KCP: variants seen among roughly 807,000 people sequenced by gnomAD.
The protein encoded by KCP is kielin/chordin-like protein.
Under a neutral mutation model 212.7 loss-of-function variants are expected in KCP, and 194 were observed. The ratio of observed to expected loss-of-function variants is 0.91; its 90% CI spans 0.81 to 1.03. KCP has a LOEUF of 1.03. KCP is among the 50% of genes least tolerant of loss of function. The probability of loss-of-function intolerance (pLI) is 0.00; values close to 1 mark genes in which losing one functional copy is unlikely to be tolerated. For missense variants in KCP, 2,080 were observed against 2,162.5 expected, an observed-to-expected ratio of 0.96 and a Z score of 0.76; for synonymous variants, 833 against 865.3, an observed-to-expected ratio of 0.96 and a Z score of 0.65.
rs1312409401 is a variant in KCP at position 128,891,062 on chromosome 7, G to T, written c.2007C>A (p.Gly669=). ...APAPAGCPRP[G]AAHARHQEYF... is the part of the protein sequence containing the mutation. ...ACTCCTGGTGGCGGGCGTGGGCCGC[G>T]CCGGGCCGTGGGCAGCCGGCGGGGG... The change falls in exon 20 of 40, where the codon GGC becomes GGA. Residue 669 remains glycine, a synonymous_variant. Transcript: ENST00000610776. 7.1e-7 allele frequency: 1 copy of T among 1,404,972 alleles called. No homozygotes were observed. The allele number at this position is 1,404,972 out of a possible 1,614,324, so 87.0% of individuals were successfully genotyped here.
intron 1 of KCP, 103 bp downstream of exon 1, chr7:128,910,498 C>G (rs980348235): frequency 4.4e-6 from 5 of 1,123,894 alleles, no homozygotes; most frequent in Non-Finnish European, 6.1e-6. Flanking sequence ...TCAGGCAGGG[C>G]TAAGAGCAGA....
chr7:128,899,933 A>C (rs1023755824), intron 8 of KCP, among the ~76,000 whole-genome samples: 2 of 134,064 alleles, frequency 1.5e-5, no homozygotes, highest in Non-Finnish European at 3.0e-5. Context: ...CCTTGCCTAC[A>C]CAGTCTCTGT....
Position 128,880,020 on chromosome 7 carries a change from G to A in KCP, c.3825C>T (p.Cys1275=). ...CPRCLPRPAS[C]MAFGDPHYRT... is the part of the protein sequence containing the mutation. ...GGTAATGGGGGTCTCCGAAGGCCATGCAGGAAGCGGGCCGAGGCAGGCAGC... is the reference window on the plus strand; with the variant it reads ...GGTAATGGGGGTCTCCGAAGGCCATACAGGAAGCGGGCCGAGGCAGGCAGC... Residue 1275 remains cysteine (C), a synonymous_variant, in exon 35 of 40, where the codon TGC becomes TGT. Transcript: ENST00000610776. 1 of 1,549,806 alleles carries A rather than the reference G, an allele frequency of 6.5e-7. No individual in the cohort carries two copies. Among genetic ancestry groups the A allele is most frequent in the South Asian group, 1.2e-5 (1 of 84,044 alleles).
chr7:128,880,556 G>T, intron 33 of KCP, 28 bp from the exon 34 acceptor site: 1 of 1,391,864 alleles, frequency 7.2e-7, no homozygotes, highest in Non-Finnish European at 9.4e-7. Flanking sequence ...GGGAGGGTCA[G>T]CTGCTCCTCC....
At chr7:128,884,589 G>A (rs1182187031) in intron 28 of KCP, among the ~76,000 whole-genome samples, 192 bp downstream of exon 28, 1 of 152,178 alleles carries the variant, frequency 6.6e-6, no homozygotes, top group African/African-American at 2.4e-5. Flanking sequence ...TGGAACCTGC[G>A]CTCCTTGTCT....
intron 21 of KCP, among the ~76,000 whole-genome samples, chr7:128,889,656 C>G (rs1223263397): frequency 6.6e-6 from 1 of 152,194 alleles, no homozygotes; most frequent in Admixed American, 6.5e-5. Flanking sequence ...TTTCCACTTA[C>G]AGTGTGATAT....
At chr7:128,890,267 C>T (rs1000403868) in intron 21 of KCP, 76 bp downstream of exon 21, 2 of 1,551,142 alleles carry the variant, frequency 1.3e-6, no homozygotes, top group Non-Finnish European at 1.7e-6. Context: ...CACCCTAGGG[C>T]AGTAAAGATT....
intron 21 of KCP, 182 bp downstream of exon 21, chr7:128,890,142 ACTCCTGGGCTCAAGTGATC>A: frequency 1.1e-6 from 1 of 906,940 alleles, no homozygotes; most frequent in East Asian, 2.7e-5. Flanking sequence ...CTGGTCTTGA[ACTCCTGGGCTCAAGTGATC>A]CTCCTGCCTC....
chr7:128,883,868 G>C, intron 29 of KCP, 134 bp downstream of exon 29: 1 of 1,150,374 alleles, frequency 8.7e-7, no homozygotes, highest in Non-Finnish European at 1.2e-6. Flanking sequence ...TGCAGCCCTC[G>C]CCGGCCAGGC....
chr7:128,880,141 C>A (rs868218678), intron 34 of KCP, 56 bp from the exon 35 acceptor site: 5 of 1,455,524 alleles, frequency 3.4e-6, no homozygotes, highest in Middle Eastern at 2.0e-4. Flanking sequence ...ATGCCTCTCG[C>A]AGACCCTCCC....
Position 128,885,139 on chromosome 7 carries a change from G to C in KCP, c.2998C>G (p.Gln1000Glu). 6.4e-7 allele frequency: 1 copy of C among 1,550,850 alleles called. No individual in the cohort carries two copies. Among genetic ancestry groups the C allele is most frequent in the East Asian group, 2.4e-5 (1 of 40,924 alleles). ...CAGTCATGGGGCCCTTGGCGGGGCT[G>C]GGCGCAAGAGCTGATGCACTGGATG... The part of the protein sequence containing the change: ...ARIQCISSCA[Q>E]PRQGPHDCCP... Residue 1000 changes from glutamine (Q) to glutamate (E), a missense_variant, in exon 27 of 40, where the codon CAG (glutamine) becomes GAG (glutamate). By Grantham distance (29) the Gln-to-Glu change is conservative. Transcript: ENST00000610776.
chr7:128,883,724 C>A (rs998618767), intron 29 of KCP, among the ~76,000 whole-genome samples: 6 of 152,364 alleles, frequency 3.9e-5, no homozygotes, highest in African/African-American at 1.4e-4. Flanking sequence ...CTACCCCCTG[C>A]CTGCCTGGGC....
intron 20 of KCP, 106 bp downstream of exon 20, chr7:128,890,799 G>T: frequency 2.0e-6 from 2 of 1,017,086 alleles, no homozygotes; most frequent in Non-Finnish European, 2.7e-6. Flanking sequence ...CAAGATCCCC[G>T]ACGTGGGCGG....
chr7:128,907,078 C>A (rs1376429508), intron 4 of KCP, 23 bp downstream of exon 4: 6 of 1,547,540 alleles, frequency 3.9e-6, no homozygotes, highest in Non-Finnish European at 5.2e-6. Flanking sequence ...TGAGGGATAT[C>A]CAGGTAGGTC....
At chr7:128,884,191 T>G (rs1793505136) in intron 28 of KCP, 69 bp from the exon 29 acceptor site, 1 of 1,486,350 alleles carries the variant, frequency 6.7e-7, no homozygotes, top group South Asian at 1.3e-5. Context: ...GGCCGGGACT[T>G]CCGGCCCCTC....
At position 128,906,296 on chromosome 7, in the gene KCP, C is replaced by A. The variant is rs2128950569; in HGVS notation, c.554G>T (p.Cys185Phe). ...AGGCTGACCTGGCTTACAGTGCGGGCAGCATGCTCCTGGCTCAGGGCAGGG... is the reference window on the plus strand; with the variant it reads ...AGGCTGACCTGGCTTACAGTGCGGGAAGCATGCTCCTGGCTCAGGGCAGGG... ...RGPCPEPGAC[C>F]PHCKPGCDYE... Residue 185 changes from cysteine (C) to phenylalanine (F), a missense_variant, in exon 5 of 40, where the codon TGC becomes TTC. By Grantham distance (205) the Cys-to-Phe change is radical. Coordinates refer to ENST00000610776, the MANE Select transcript of KCP (RefSeq NM_001366122.1). 5.2e-6 allele frequency: 8 copies of A among 1,551,018 alleles called. No individual in the cohort carries two copies. Among genetic ancestry groups the A allele is most frequent in the Non-Finnish European group, 7.0e-6 (8 of 1,146,834 alleles).
intron 8 of KCP, among the ~76,000 whole-genome samples, chr7:128,901,886 C>G (rs1794869190): frequency 6.6e-6 from 1 of 152,198 alleles, no homozygotes; most frequent in Non-Finnish European, 1.5e-5. Flanking sequence ...CTACCTCCCC[C>G]AGGCTATTCC....
chr7:128,897,869 C>A (rs970714163), intron 8 of KCP, among the ~76,000 whole-genome samples: 11 of 151,986 alleles, frequency 7.2e-5, no homozygotes, highest in Admixed American at 3.3e-4. Flanking sequence ...AAACTCTTGT[C>A]CTAAAGTAAA....
intron 30 of KCP, 103 bp downstream of exon 30, chr7:128,881,834 C>T (rs548589893): frequency 3.4e-5 from 47 of 1,390,384 alleles, no homozygotes; most frequent in South Asian, 1.2e-4. Flanking sequence ...AATGTCAGGG[C>T]GAATGGAGAG....
Sources: allele counts gnomAD v4.1 joint callset (sites outside exome capture counted in the v4.1 genomes callset), GRCh38; gene constraint gnomAD v4.1.1; transcripts MANE v1.5; gene names NCBI Gene and HGNC (gene_info 2026-07-23, HGNC 2026-07-21).